SLC13A2: variants seen among roughly 807,000 people sequenced by gnomAD.
SLC13A2 encodes the protein solute carrier family 13 member 2.
A neutral mutation model predicts 58.5 loss-of-function variants in SLC13A2; 40 were observed. That is an observed-to-expected ratio of 0.68 (90% CI 0.53 to 0.89). The LOEUF (loss-of-function observed/expected upper bound fraction) is 0.89, where lower values mean the gene tolerates loss of function less well. SLC13A2 is among the 40% of genes least tolerant of loss of function. SLC13A2 has a pLI of 0.00. For synonymous variants in SLC13A2, 341 were observed against 331.6 expected (o/e 1.03, Z -0.31); for missense variants, 694 against 772.6 (o/e 0.90, Z 1.21).
rs2069142409 is a variant in SLC13A2, at chr17:28,496,347, GGTACAGGGGTT to G, written c.1471-100_1471-90del. 4.2e-6 allele frequency: 6 copies of G among 1,426,922 alleles called. No homozygotes were observed. Among genetic ancestry groups the G allele is most frequent in the African/African-American group, 1.4e-5 (1 of 69,830 alleles). 88.4% of individuals were successfully genotyped at this position (1,426,922 alleles called of 1,614,324 possible). On this transcript the variant is annotated intron_variant, in intron 10 of 11. Coordinates refer to ENST00000314669, the MANE Select transcript of SLC13A2 (RefSeq NM_003984.4). The surrounding 1 kb of genome is among the most constrained non-coding windows in gnomAD (Gnocchi z 4.2). The stretch of plus-strand genomic sequence containing the variant: ...GGCTCATGACCAGAGAGTGTATTAG[GGTACAGGGGTT>G]GTTCCCCAGAGAAGCAGGAGAATTG...
Position 28,489,269 on chromosome 17 carries a change from C to A in SLC13A2, c.158C>A (p.Ala53Asp). The change falls in exon 2 of 12, where the codon GCC becomes GAC. Residue 53 changes from alanine to aspartate, a missense_variant. Coordinates refer to ENST00000314669, the MANE Select transcript of SLC13A2 (RefSeq NM_003984.4). ...ILMALFWCTE[A>D]LPLAVTALFP... The stretch of plus-strand genomic sequence containing the variant: ...ATGGCGCTCTTCTGGTGCACTGAGG[C>A]CCTGCCCCTGGCCGTCACTGCCCTC... 6.2e-7 allele frequency: 1 copy of A among 1,614,060 alleles called. No homozygotes were observed. The highest frequency in any genetic ancestry group is 8.5e-7 in the Non-Finnish European group (1 of 1,180,014).
chr17:28,495,069 T>A (rs1190277902), intron 9 of SLC13A2, among the ~76,000 whole-genome samples: 1 of 152,192 alleles, frequency 6.6e-6, no homozygotes, highest in Non-Finnish European at 1.5e-5. Flanking sequence ...TGTGGCATGT[T>A]CATCCACTGA....
chr17:28,477,622 G>GGGAA (rs1210698427), intron 1 of SLC13A2, among the ~76,000 whole-genome samples: 2 of 152,214 alleles, frequency 1.3e-5, no homozygotes, highest in Non-Finnish European at 2.9e-5. Flanking sequence ...CCTCCAAAGG[G>GGGAA]GGAAGAAGGA....
chr17:28,484,912 G>C (rs2068849167), intron 1 of SLC13A2, among the ~76,000 whole-genome samples: 1 of 152,180 alleles, frequency 6.6e-6, no homozygotes, highest in African/African-American at 2.4e-5. Context: ...GGGTGGAGAA[G>C]AGTGAGGATC....
intron 1 of SLC13A2, among the ~76,000 whole-genome samples, chr17:28,475,294 C>G (rs1239674674): frequency 1.3e-5 from 2 of 152,284 alleles, no homozygotes; most frequent in East Asian, 1.9e-4. Flanking sequence ...TTCTGTGCAC[C>G]GTATCTGGCC....
chr17:28,485,438 T>C (rs964546298), intron 1 of SLC13A2, among the ~76,000 whole-genome samples: 2 of 152,160 alleles, frequency 1.3e-5, no homozygotes, highest in African/African-American at 4.8e-5. Flanking sequence ...CCTGGAAGGA[T>C]AAGGCTGATC....
chr17:28,492,938 TAAGGTTGGGAGCTGGTAC>T (rs1413237076), intron 6 of SLC13A2, among the ~76,000 whole-genome samples: 7 of 151,968 alleles, frequency 4.6e-5, no homozygotes, highest in African/African-American at 1.7e-4. Context: ...GAAGCTGGAT[TAAGGTTGGGAGCTGGTAC>T]AAGGCAAGGT....
chr17:28,491,562 A>T lies in SLC13A2; in HGVS notation c.700A>T (p.Ile234Phe), dbSNP rs782637570. 24 of 1,613,586 alleles carry T rather than the reference A, an allele frequency of 1.5e-5. No homozygotes were observed. In the East Asian group the frequency reaches 1.8e-4, roughly 12 times the overall value. Residue 234 changes from isoleucine to phenylalanine, a missense_variant, in exon 5 of 12, where the codon ATC (isoleucine) becomes TTC (phenylalanine). Transcript: ENST00000314669. ...CVCYSASIGG[I>F]ATLTGTAPNL... is the part of the protein sequence containing the mutation. Reference sequence around the variant, plus strand: ...GTGCTACTCCGCCAGCATCGGGGGCATCGCCACGCTGACTGGCACCGCACC... The same window carrying T: ...GTGCTACTCCGCCAGCATCGGGGGCTTCGCCACGCTGACTGGCACCGCACC...
chr17:28,474,213 A>G, intron 1 of SLC13A2, among the ~76,000 whole-genome samples: 1 of 152,110 alleles, frequency 6.6e-6, no homozygotes, highest in East Asian at 1.9e-4. Context: ...AGCAGAGTGA[A>G]GAGGGTTGGA....
Position 28,496,678 on chromosome 17 carries a change from G to C in SLC13A2, c.1608+91G>C. 6.6e-7 allele frequency: 1 copy of C among 1,507,264 alleles called. No homozygotes were observed. Among genetic ancestry groups the C allele is most frequent in the Non-Finnish European group, 8.9e-7 (1 of 1,117,668 alleles). 93.4% of individuals were successfully genotyped at this position (1,507,264 alleles called of 1,614,324 possible). A position where few individuals can be genotyped will look rare whatever the true frequency, so the allele number is the denominator to read the frequency against. On this transcript the variant is annotated intron_variant, in intron 11 of 11. Coordinates refer to ENST00000314669, the MANE Select transcript of SLC13A2 (RefSeq NM_003984.4). The surrounding 1 kb of genome is among the most constrained non-coding windows in gnomAD (Gnocchi z 4.2). The stretch of plus-strand genomic sequence containing the variant: ...CCACAAAGCAGCTTAAAGCCACTGA[G>C]AGTCTCAGAGTTGAGCGGGTCCTCA...
Position 28,494,641 on chromosome 17 carries a change from G to C in SLC13A2, c.1308+129G>C. The C allele has an allele frequency of 7.4e-7, 1 of 1,342,710 alleles. No individual in the cohort carries two copies. The highest frequency in any genetic ancestry group is 1.0e-6 in the Non-Finnish European group (1 of 987,724). 83.2% of individuals were successfully genotyped at this position (1,342,710 alleles called of 1,614,324 possible). On this transcript the variant is annotated intron_variant, in intron 9 of 11. Transcript: ENST00000314669. This position sits in a 1 kb window ranked among gnomAD's most constrained non-coding sequence, Gnocchi z 4.0. The stretch of plus-strand genomic sequence containing the variant: ...CGTAGGAGCCTCTCGGGTAGGCAGA[G>C]CCTTTGCAGCAGCTGGGAAGACTTA...
At chr17:28,493,530 G>A (rs1555603905) in intron 6 of SLC13A2, 41 bp from the exon 7 acceptor site, 1 of 1,532,806 alleles carries the variant, frequency 6.5e-7, no homozygotes, top group Admixed American at 1.9e-5. Flanking sequence ...CTCCCTGCTG[G>A]AGCAGGCCCC....
chr17:28,475,594 A>G (rs1306507226), intron 1 of SLC13A2, among the ~76,000 whole-genome samples: 1 of 152,126 alleles, frequency 6.6e-6, no homozygotes, highest in Non-Finnish European at 1.5e-5. Flanking sequence ...TGTCTACACC[A>G]CAAGCGCACT....
intron 4 of SLC13A2, 67 bp downstream of exon 4, chr17:28,490,973 C>T (rs1190325589): frequency 6.4e-6 from 9 of 1,408,468 alleles, no homozygotes; most frequent in African/African-American, 5.7e-5. Context: ...AGGGTCTGTC[C>T]GTTTCGAGGG....
Position 28,489,286 on chromosome 17 carries a change from A to G in SLC13A2, c.175A>G (p.Thr59Ala). The G allele has an allele frequency of 6.2e-7, 1 of 1,614,136 alleles. No homozygotes were observed. The highest frequency in any genetic ancestry group is 8.5e-7 in the Non-Finnish European group (1 of 1,180,042). The change falls in exon 2 of 12, where the codon ACT (threonine) becomes GCT (alanine). Residue 59 changes from threonine (T) to alanine (A), a missense_variant. Coordinates refer to ENST00000314669, the MANE Select transcript of SLC13A2 (RefSeq NM_003984.4). The part of the protein sequence containing the change: ...WCTEALPLAV[T>A]ALFPLILFPM... ...CACTGAGGCCCTGCCCCTGGCCGTC[A>G]CTGCCCTCTTCCCCTTAATCCTGTT...
chr17:28,489,392 G>C (rs2068956658), intron 2 of SLC13A2, 50 bp downstream of exon 2: 17 of 1,566,950 alleles, frequency 1.1e-5, no homozygotes, highest in Non-Finnish European at 1.4e-5. Flanking sequence ...GGGAGGCCAG[G>C]GGGTGGGTTC....
intron 1 of SLC13A2, among the ~76,000 whole-genome samples, chr17:28,482,105 C>T (rs1327259562): frequency 2.6e-5 from 4 of 152,214 alleles, no homozygotes; most frequent in Non-Finnish European, 4.4e-5. Context: ...CAACCTCTGC[C>T]TCCCGGGTGG....
At chr17:28,490,293 T>C (rs1555602933) in intron 2 of SLC13A2, 161 bp from the exon 3 acceptor site, 5 of 1,578,022 alleles carry the variant, frequency 3.2e-6, no homozygotes, top group Non-Finnish European at 4.3e-6. Context: ...AAATTTATTT[T>C]TTTTAAATGG....
At chr17:28,477,668 T>A (rs1241020952) in intron 1 of SLC13A2, among the ~76,000 whole-genome samples, 7 of 152,242 alleles carry the variant, frequency 4.6e-5, no homozygotes, top group Non-Finnish European at 1.0e-4. Flanking sequence ...CCCATAATAA[T>A]AATATTGACA....
Sources: gnomAD v4.1 joint callset for allele counts (sites outside exome capture counted in the v4.1 genomes callset) on GRCh38, gnomAD v4.1.1 for gene constraint, Gnocchi (gnomAD v3.1) non-coding constraint, MANE v1.5 for transcripts, NCBI Gene and HGNC (gene_info 2026-07-23, HGNC 2026-07-21) for gene names.